Variants in SEZ6L observed in about 807,000 individuals in gnomAD.
SEZ6L encodes seizure 6-like protein.
Under a neutral mutation model 106.2 loss-of-function variants are expected in SEZ6L, and 37 were observed. That is an observed-to-expected ratio of 0.35 (90% CI 0.27 to 0.46). The LOEUF is 0.46. SEZ6L is among the 20% of genes least tolerant of loss of function. The pLI is 1.00. For synonymous variants in SEZ6L, 541 were observed against 570.4 expected (o/e 0.95, Z 0.73); for missense variants, 1,172 against 1,332.8 (o/e 0.88, Z 1.88).
chr22:26,237,799 G>A (rs2078996934), intron 1 of SEZ6L, among the ~76,000 whole-genome samples: 1 of 152,160 alleles, frequency 6.6e-6, no homozygotes, highest in African/African-American at 2.4e-5. Context: ...TGAAGGTGGG[G>A]AATAATGATT....
intron 1 of SEZ6L, among the ~76,000 whole-genome samples, chr22:26,174,131 TG>T (rs1206330521): frequency 6.6e-6 from 1 of 152,116 alleles, no homozygotes; most frequent in Non-Finnish European, 1.5e-5. Flanking sequence ...CCGTGCCATG[TG>T]GTAAGTTCTT....
At chr22:26,230,352 T>C (rs1474726493) in intron 1 of SEZ6L, among the ~76,000 whole-genome samples, 2 of 151,774 alleles carry the variant, frequency 1.3e-5, no homozygotes, top group Non-Finnish European at 2.9e-5. Context: ...TTCTCCTCCA[T>C]GCAGCCTGCC....
intron 9 of SEZ6L, among the ~76,000 whole-genome samples, chr22:26,322,281 G>A (rs2082175634): frequency 6.6e-6 from 1 of 152,124 alleles, no homozygotes; most frequent in Non-Finnish European, 1.5e-5. Context: ...GTTTCCTCAG[G>A]TCACACAGCT....
intron 10 of SEZ6L, among the ~76,000 whole-genome samples, chr22:26,344,158 G>T (rs1174821260): frequency 6.6e-6 from 1 of 152,164 alleles, no homozygotes; most frequent in African/African-American, 2.4e-5. Context: ...GCTCTGGAAG[G>T]TGGCCAAAGT....
chr22:26,348,640 GAAAGAA>G (rs1312199877), intron 11 of SEZ6L, among the ~76,000 whole-genome samples: 48 of 25,730 alleles, frequency 1.9e-3, no homozygotes, highest in Admixed American at 2.5e-3. Flanking sequence ...AAGAAAGAAA[GAAAGAA>G]AAAGAAAGAA....
chr22:26,380,177 A>T (rs1297247522), intron 16 of SEZ6L, 89 bp from the exon 17 acceptor site: 5 of 1,261,396 alleles, frequency 4.0e-6, no homozygotes, highest in Non-Finnish European at 3.5e-6. Flanking sequence ...AAGGGCATGG[A>T]CATACAGAGG....
chr22:26,282,766 A>G (rs2080813462), intron 1 of SEZ6L, among the ~76,000 whole-genome samples: 1 of 152,240 alleles, frequency 6.6e-6, no homozygotes, highest in Non-Finnish European at 1.5e-5. Context: ...TAAAATCTTC[A>G]GAAAAGAAAT....
chr22:26,327,043 G>A (rs1431585749), intron 9 of SEZ6L, among the ~76,000 whole-genome samples: 8 of 152,128 alleles, frequency 5.3e-5, no homozygotes, highest in African/African-American at 1.9e-4. Flanking sequence ...GCCAGGGGAG[G>A]CCTTCGAGAA....
intron 9 of SEZ6L, among the ~76,000 whole-genome samples, chr22:26,320,312 G>A (rs1260186515): frequency 6.6e-6 from 1 of 151,998 alleles, no homozygotes. Context: ...TGGACACTAA[G>A]CCAAGCAGAA....
intron 13 of SEZ6L, among the ~76,000 whole-genome samples, chr22:26,368,267 A>T (rs2083887728): frequency 6.6e-6 from 1 of 152,242 alleles, no homozygotes; most frequent in Non-Finnish European, 1.5e-5. Context: ...TTCCAAAAGA[A>T]GTGAAACAGG....
At chr22:26,231,110 T>C (rs757343498) in intron 1 of SEZ6L, among the ~76,000 whole-genome samples, 3 of 152,250 alleles carry the variant, frequency 2.0e-5, no homozygotes, top group Non-Finnish European at 4.4e-5. Context: ...CAAGAGGTAT[T>C]GCTCCCTGTG....
At chr22:26,283,563 A>G (rs1464862095) in intron 1 of SEZ6L, among the ~76,000 whole-genome samples, 1 of 152,248 alleles carries the variant, frequency 6.6e-6, no homozygotes, top group African/African-American at 2.4e-5. Context: ...GATCAACAAC[A>G]ACAATAAAAA....
At chr22:26,335,832 A>T (rs1192935478) in intron 9 of SEZ6L, among the ~76,000 whole-genome samples, 4 of 152,168 alleles carry the variant, frequency 2.6e-5, no homozygotes, top group Non-Finnish European at 5.9e-5. Flanking sequence ...AGCTACTGTT[A>T]TCCAAGCCAC....
At chr22:26,205,580 C>A (rs188046741) in intron 1 of SEZ6L, among the ~76,000 whole-genome samples, 43 of 152,132 alleles carry the variant, frequency 2.8e-4, no homozygotes, top group African/African-American at 9.4e-4. Flanking sequence ...ATCAGAATCA[C>A]CCAGGGCAAC....
At chr22:26,219,488 C>T (rs550196422) in intron 1 of SEZ6L, among the ~76,000 whole-genome samples, 2 of 152,018 alleles carry the variant, frequency 1.3e-5, no homozygotes, top group Non-Finnish European at 2.9e-5. Context: ...ATTTTCCATA[C>T]GGACTCTTGT....
chr22:26,316,958 AGGAG>A (rs1165824501), intron 9 of SEZ6L, among the ~76,000 whole-genome samples: 7 of 122,746 alleles, frequency 5.7e-5, no homozygotes, highest in East Asian at 2.4e-4. Flanking sequence ...GGAAGAAAGA[AGGAG>A]GGAGGGAGGG....
chr22:26,240,874 G>A (rs2079104804), intron 1 of SEZ6L, among the ~76,000 whole-genome samples: 1 of 152,180 alleles, frequency 6.6e-6, no homozygotes, highest in African/African-American at 2.4e-5. Flanking sequence ...ATGTCAAGGA[G>A]AGAGCAGGCA....
chr22:26,351,004 G>C (rs750113555), intron 11 of SEZ6L, 48 bp from the exon 12 acceptor site: 12 of 1,547,880 alleles, frequency 7.8e-6, no homozygotes, highest in Non-Finnish European at 1.1e-5. Flanking sequence ...CAAACCCATG[G>C]TCATCCAGAG....
At chr22:26,240,368 G>A (rs968635040) in intron 1 of SEZ6L, among the ~76,000 whole-genome samples, 1 of 152,070 alleles carries the variant, frequency 6.6e-6, no homozygotes, top group Non-Finnish European at 1.5e-5. Context: ...TCAGGCCTAG[G>A]TGTGATGCTG....
Sources: gnomAD v4.1 joint callset for allele counts (sites outside exome capture counted in the v4.1 genomes callset) on GRCh38, gnomAD v4.1.1 for gene constraint, MANE v1.5 for transcripts, NCBI Gene and HGNC (gene_info 2026-07-23, HGNC 2026-07-21) for gene names.